Variants in HTR3A observed in about 807,000 individuals in gnomAD.
HTR3A encodes the protein 5-hydroxytryptamine (serotonin) receptor 3A, ionotropic.
In HTR3A, 45 loss-of-function variants were observed where a neutral mutation model predicts 54.8. The ratio of observed to expected loss-of-function variants is 0.82; its 90% CI spans 0.65 to 1.05. HTR3A has a LOEUF of 1.05. HTR3A is among the 50% of genes least tolerant of loss of function. HTR3A has a pLI of 0.00. For synonymous variants in HTR3A, 297 were observed against 256.0 expected, an observed-to-expected ratio of 1.16 and a Z score of -1.53; for missense variants, 657 against 614.0, an observed-to-expected ratio of 1.07 and a Z score of -0.74.
intron 1 of HTR3A, among the ~76,000 whole-genome samples, chr11:113,976,157 C>T (rs746629000): frequency 7.2e-5 from 11 of 152,120 alleles, no homozygotes; most frequent in African/African-American, 2.4e-4. Context: ...GTTGGACAGA[C>T]GTGAAGAGCT....
At chr11:113,981,444 G>T (rs1350120418) in intron 4 of HTR3A, 132 bp downstream of exon 4, 1 of 708,468 alleles carries the variant, frequency 1.4e-6, no homozygotes, top group South Asian at 1.5e-5. Context: ...GATAAAGCTG[G>T]TGTGAGTCCA....
At chr11:113,979,184 G>A (rs1182689990) in intron 2 of HTR3A, 49 bp from the exon 3 acceptor site, 16 of 1,456,776 alleles carry the variant, frequency 1.1e-5, no homozygotes, top group Non-Finnish European at 1.4e-5. Context: ...GTGCAGGGTG[G>A]CCCTCCAGTC....
Position 113,977,816 on chromosome 11 carries a change from C to A in HTR3A, c.113C>A (p.Ser38Ter). ...ACCAGGCCCGCTCTGCTGAGGCTGT[C>A]GGATTACCTTTTGACCAACTACAGG... ...NTTRPALLRLSDYLLTNYRKG... is the reference protein window; with the variant it reads ...NTTRPALLRL Residue 38 changes from serine (S) to a stop codon, truncating the protein, a stop_gained, in exon 2 of 9, where the codon TCG (serine) becomes TAG (stop). Coordinates refer to ENST00000504030, the MANE Select transcript of HTR3A (RefSeq NM_000869.6). LOFTEE classifies it high-confidence loss of function. The A allele has an allele frequency of 6.2e-7, 1 of 1,614,104 alleles. No individual in the cohort carries two copies. The highest frequency in any genetic ancestry group is 8.5e-7 in the Non-Finnish European group (1 of 1,180,022).
At chr11:113,981,407 A>G in intron 4 of HTR3A, 95 bp downstream of exon 4, 1 of 784,980 alleles carries the variant, frequency 1.3e-6, no homozygotes, top group East Asian at 2.5e-5. Context: ...TGCATTTGAG[A>G]TGTCCCACCA....
rs960273772 is a variant in HTR3A, at chr11:113,990,182, AT to A, written c.*420del. The A allele has an allele frequency of 6.6e-6, 3 of 457,722 alleles. No individual in the cohort carries two copies. The highest frequency in any genetic ancestry group is 6.0e-5 in the African/African-American group (3 of 50,156). 28.4% of individuals were successfully genotyped at this position (457,722 alleles called of 1,614,324 possible). ...ACCAACTCTCTACTACACAGGCCTG[AT>A]AACTCTGTACGAGGCTTCTCTAACC... On this transcript the variant is annotated 3_prime_UTR_variant, in exon 9 of 9. Transcript: ENST00000504030.
In HTR3A at chr11:113,989,306, T is replaced by A. The variant is rs990294136; in HGVS notation, c.1139-159T>A. 1.3e-5 allele frequency among the ~76,000 whole-genome samples: 2 copies of A among 151,828 alleles called. No homozygotes were observed. Among genetic ancestry groups the A allele is most frequent in the Non-Finnish European group, 2.9e-5 (2 of 67,986 alleles). ...TGAACTCGGGAGGCGGAGGTTGCAG[T>A]GAGCTTAGATCACACCACTGCCCTC... On this transcript the variant is annotated intron_variant, in intron 8 of 8. Transcript: ENST00000504030. This position sits in a 1 kb window ranked among gnomAD's most constrained non-coding sequence, Gnocchi z 4.4.
intron 2 of HTR3A, among the ~76,000 whole-genome samples, chr11:113,978,226 C>T (rs920167547): frequency 5.9e-5 from 9 of 152,190 alleles, no homozygotes; most frequent in South Asian, 2.1e-4. Context: ...AGGATTAAGA[C>T]GGTCCCATGC....
Position 113,989,797 on chromosome 11 carries a change from C to G in HTR3A, c.*34C>G, listed in dbSNP as rs747436503. The stretch of plus-strand genomic sequence containing the variant: ...AGCCCAGTGGAGGAGGGGGTACAGT[C>G]CTGGTTAGGTGGGGACAGAGGATTT... On this transcript the variant is annotated 3_prime_UTR_variant, in exon 9 of 9. Coordinates refer to ENST00000504030, the MANE Select transcript of HTR3A (RefSeq NM_000869.6). The surrounding 1 kb of genome is among the most constrained non-coding windows in gnomAD (Gnocchi z 4.4). The G allele has an allele frequency of 3.8e-6, 6 of 1,599,976 alleles. No homozygotes were observed. Among genetic ancestry groups the G allele is most frequent in the Non-Finnish European group, 3.4e-6 (4 of 1,177,642 alleles).
chr11:113,977,582 A>G (rs898926341), intron 1 of HTR3A, 189 bp from the exon 2 acceptor site: 17 of 1,534,090 alleles, frequency 1.1e-5, no homozygotes, highest in Admixed American at 3.9e-5. Context: ...ACAAGGTAAT[A>G]CATTTGAATT....
At chr11:113,981,371 G>A (rs767707668) in intron 4 of HTR3A, 59 bp downstream of exon 4, 156 of 1,000,558 alleles carry the variant, frequency 1.6e-4, no homozygotes, top group Middle Eastern at 4.1e-4. Context: ...AGAAGCCCGG[G>A]GACAGAGAGA....
intron 1 of HTR3A, among the ~76,000 whole-genome samples, chr11:113,976,553 A>G (rs1316312967): frequency 7.1e-6 from 1 of 141,408 alleles, no homozygotes; most frequent in Non-Finnish European, 1.5e-5. Flanking sequence ...ATTCCAAAGG[A>G]GACACTTAAA....
chr11:113,986,169 G>A lies in HTR3A; in HGVS notation c.699G>A (p.Lys233=), dbSNP rs1024623955. ...MESSNYYAEM[K]FYVVIRRRPL... Reference sequence around the variant, plus strand: ...GCAGTAACTACTATGCAGAAATGAAGTTCTATGTGAGTGGGAGTGAATGTG... The same window carrying A: ...GCAGTAACTACTATGCAGAAATGAAATTCTATGTGAGTGGGAGTGAATGTG... Residue 233 remains lysine (K), a synonymous_variant, in exon 6 of 9, where the codon AAG becomes AAA. Transcript: ENST00000504030. 1.2e-6 allele frequency: 2 copies of A among 1,614,054 alleles called. No homozygotes were observed. The highest frequency in any genetic ancestry group is 2.7e-5 in the African/African-American group (2 of 74,920).
intron 5 of HTR3A, 107 bp downstream of exon 5, chr11:113,983,396 A>G: frequency 8.7e-7 from 1 of 1,147,344 alleles, no homozygotes; most frequent in Non-Finnish European, 1.3e-6. Context: ...CAGCCTACTA[A>G]TGCCCTGGGC....
In HTR3A at chr11:113,983,129, G is replaced by C; in HGVS notation, c.384G>C (p.Val128=). 6.2e-7 allele frequency: 1 copy of C among 1,614,216 alleles called. No homozygotes were observed. Among genetic ancestry groups the C allele is most frequent in the Non-Finnish European group, 8.5e-7 (1 of 1,180,038 alleles). Residue 128 remains valine, a synonymous_variant, in exon 5 of 9, where the codon GTG becomes GTC. Coordinates refer to ENST00000504030, the MANE Select transcript of HTR3A (RefSeq NM_000869.6). ...PDILINEFVD[V]GKSPNIPYVY... ...CCTTTTCCCCCGCCAGCGTGGATGT[G>C]GGGAAGTCTCCAAATATCCCGTACG...
rs11325987 is a variant in HTR3A, at chr11:113,989,198, G to GAA, written c.1139-253_1139-252dup. 5.9e-4 allele frequency among the ~76,000 whole-genome samples: 85 copies of GAA among 144,486 alleles called. No homozygotes were observed. The highest frequency in any genetic ancestry group is 1.1e-3 in the African/African-American group (43 of 39,142). The allele number at this position is 144,486 out of a possible 152,430, so 94.8% of individuals were successfully genotyped here. On this transcript the variant is annotated intron_variant, in intron 8 of 8. Coordinates refer to ENST00000504030, the MANE Select transcript of HTR3A (RefSeq NM_000869.6). This position sits in a 1 kb window ranked among gnomAD's most constrained non-coding sequence, Gnocchi z 4.4. ...AACGTGGTGAAATCCAGTTTCTATTGAAAAAAAAAAAAAAATTAGCCAGGT... is the reference window on the plus strand; with the variant it reads ...AACGTGGTGAAATCCAGTTTCTATTGAAAAAAAAAAAAAAAAATTAGCCAGGT...
At position 113,990,133 on chromosome 11, in the gene HTR3A, C is replaced by T. The variant is rs1175155689; in HGVS notation, c.*370C>T. 1 of 472,152 alleles carries T rather than the reference C, an allele frequency of 2.1e-6. No homozygotes were observed. The highest frequency in any genetic ancestry group is 6.5e-5 in the East Asian group (1 of 15,360). The allele number at this position is 472,152 out of a possible 1,614,324, so 29.2% of individuals were successfully genotyped here. A position where few individuals can be genotyped will look rare whatever the true frequency, so the allele number is the denominator to read the frequency against. On this transcript the variant is annotated 3_prime_UTR_variant, in exon 9 of 9. Transcript: ENST00000504030. Reference sequence around the variant, plus strand: ...TTGGAATTCTGCTTCTCTTTCACAACTTTGCTTTTAGGTTGAAGGCAAAAC... The same window carrying T: ...TTGGAATTCTGCTTCTCTTTCACAATTTTGCTTTTAGGTTGAAGGCAAAAC...
chr11:113,983,094 C>G (rs992922730), intron 4 of HTR3A, 26 bp from the exon 5 acceptor site: 2 of 1,614,134 alleles, frequency 1.2e-6, no homozygotes, highest in Non-Finnish European at 1.7e-6. Flanking sequence ...CTTGAGCTCC[C>G]AAACTAACCC....
chr11:113,983,110 C>G lies in HTR3A; in HGVS notation c.375-10C>G. 6.2e-7 allele frequency: 1 copy of G among 1,614,148 alleles called. No individual in the cohort carries two copies. The highest frequency in any genetic ancestry group is 8.5e-7 in the Non-Finnish European group (1 of 1,179,984). ...TTGAGCTCCCAAACTAACCCCTTTT[C>G]CCCCGCCAGCGTGGATGTGGGGAAG... On this transcript the variant is annotated splice_polypyrimidine_tract_variant and intron_variant, in intron 4 of 8. Coordinates refer to ENST00000504030, the MANE Select transcript of HTR3A (RefSeq NM_000869.6).
chr11:113,986,682 C>T lies in HTR3A; in HGVS notation c.870C>T (p.Ile290=), dbSNP rs766993465. The T allele has an allele frequency of 1.7e-5, 28 of 1,614,072 alleles. No individual in the cohort carries two copies. Among genetic ancestry groups the T allele is most frequent in the Non-Finnish European group, 1.8e-5 (21 of 1,180,040 alleles). The change falls in exon 7 of 9, where the codon ATC becomes ATT. Residue 290 remains isoleucine, a synonymous_variant. Coordinates refer to ENST00000504030, the MANE Select transcript of HTR3A (RefSeq NM_000869.6). Reference sequence around the variant, plus strand: ...TGGGCTACTCGGTCTTCCTGATCATCGTTTCTGACACGCTGCCGGCCACTG... The same window carrying T: ...TGGGCTACTCGGTCTTCCTGATCATTGTTTCTGACACGCTGCCGGCCACTG... ...LLLGYSVFLI[I]VSDTLPATAI...
Sources: allele counts gnomAD v4.1 joint callset (sites outside exome capture counted in the v4.1 genomes callset), GRCh38; gene constraint gnomAD v4.1.1; non-coding constraint Gnocchi (gnomAD v3.1); transcripts MANE v1.5; gene names NCBI Gene and HGNC (gene_info 2026-07-23, HGNC 2026-07-21).